CD300LG: variants seen among roughly 807,000 people sequenced by gnomAD.
The protein encoded by CD300LG is CMRF35-like molecule 9.
Under a neutral mutation model 31.5 loss-of-function variants are expected in CD300LG, and 29 were observed. The ratio of observed to expected loss-of-function variants is 0.92; its 90% CI spans 0.68 to 1.25. CD300LG has a LOEUF of 1.25. Among genes scored for constraint, CD300LG ranks in the 50% most tolerant of loss-of-function variants. The pLI, the probability that CD300LG is intolerant of heterozygous loss-of-function variation, is 0.00. For synonymous variants in CD300LG, 175 were observed against 177.2 expected (o/e 0.99, Z 0.10); for missense variants, 396 against 417.6 (o/e 0.95, Z 0.45).
At chr17:43,852,228 G>A (rs1333660737) in intron 2 of CD300LG, among the ~76,000 whole-genome samples, 2 of 149,542 alleles carry the variant, frequency 1.3e-5, no homozygotes, top group Admixed American at 1.3e-4. Context: ...TTTTAGAGAC[G>A]AAGTTTTGCT....
At chr17:43,849,046 A>C (rs1354615837) in intron 2 of CD300LG, 153 bp downstream of exon 2, 2 of 683,854 alleles carry the variant, frequency 2.9e-6, no homozygotes, top group African/African-American at 3.6e-5. Flanking sequence ...TGGGGCACAG[A>C]AGGAGCCGCC....
rs1428946939 is a variant in CD300LG, at chr17:43,847,205, C to T, written c.-12C>T. On this transcript the variant is annotated 5_prime_UTR_variant, in exon 1 of 7. Coordinates refer to ENST00000317310, the MANE Select transcript of CD300LG (RefSeq NM_145273.4). Reference sequence around the variant, plus strand: ...TTCCCAGCGTCTGCTCCCACGGTGTCCAGCGCCCAGAATGCGGCTTCTGGT... The same window carrying T: ...TTCCCAGCGTCTGCTCCCACGGTGTTCAGCGCCCAGAATGCGGCTTCTGGT... 6.2e-7 allele frequency: 1 copy of T among 1,613,794 alleles called. No individual in the cohort carries two copies. Among genetic ancestry groups the T allele is most frequent in the East Asian group, 2.2e-5 (1 of 44,870 alleles).
intron 6 of CD300LG, chr17:43,857,827 G>A (rs964152727): frequency 6.5e-7 from 1 of 1,537,278 alleles, no homozygotes; most frequent in Non-Finnish European, 8.7e-7. Flanking sequence ...CCTTGGCTCT[G>A]AGACCAAGGT....
intron 1 of CD300LG, among the ~76,000 whole-genome samples, chr17:43,847,772 T>TACAAACAA (rs145457270): frequency 1.3e-4 from 20 of 151,994 alleles, no homozygotes; most frequent in African/African-American, 1.9e-4. Context: ...ACCCCATCTC[T>TACAAACAA]ACAAACAAAC....
chr17:43,861,094 C>T (rs2046644167), intron 6 of CD300LG: 1 of 985,240 alleles, frequency 1.0e-6, no homozygotes, highest in Admixed American at 6.2e-5. Flanking sequence ...ACCATCCCTG[C>T]TGCCAAGAAC....
intron 1 of CD300LG, among the ~76,000 whole-genome samples, chr17:43,848,221 G>A (rs904113505): frequency 6.6e-6 from 1 of 152,028 alleles, no homozygotes; most frequent in East Asian, 1.9e-4. Context: ...CAGCCTGGGC[G>A]GCAAAGTGAG....
chr17:43,855,943 T>C (rs2046507394), intron 5 of CD300LG: 1 of 152,294 alleles, frequency 6.6e-6, no homozygotes, highest in Non-Finnish European at 1.5e-5. Flanking sequence ...TATTTTATTT[T>C]AATTACTTAT....
rs1199033978 is a variant in CD300LG, at chr17:43,848,813, A to C, written c.299A>C (p.Gln100Pro). ...GTGACCCTGTGGAACCTCACCCTGCAAGACGCTGGGGAGTACTGGTGTGGG... is the reference window on the plus strand; with the variant it reads ...GTGACCCTGTGGAACCTCACCCTGCCAGACGCTGGGGAGTACTGGTGTGGG... Reference protein sequence around the residue: ...LIVTLWNLTLQDAGEYWCGVE... With the variant: ...LIVTLWNLTLPDAGEYWCGVE... The change falls in exon 2 of 7, where the codon CAA becomes CCA. Residue 100 changes from glutamine (Q) to proline (P), a missense_variant. Transcript: ENST00000317310. The C allele has an allele frequency of 6.2e-7, 1 of 1,614,162 alleles. No individual in the cohort carries two copies. The highest frequency in any genetic ancestry group is 1.7e-5 in the Admixed American group (1 of 60,020).
chr17:43,856,304 C>G lies in CD300LG; in HGVS notation c.833-800C>G, dbSNP rs1010026230. 5.3e-5 allele frequency among the ~76,000 whole-genome samples: 8 copies of G among 152,252 alleles called. No homozygotes were observed. In the East Asian group the frequency reaches 1.5e-3, roughly 29 times the overall value. The stretch of plus-strand genomic sequence containing the variant: ...ATGGCCATGTGCAGCTCCCGGCTCC[C>G]GTGCTGGATGGCAAAGACTAAAAGG... On this transcript the variant is annotated intron_variant, in intron 5 of 6. Transcript: ENST00000317310.
At chr17:43,852,434 G>A (rs1598393673) in intron 2 of CD300LG, among the ~76,000 whole-genome samples, 2 of 152,222 alleles carry the variant, frequency 1.3e-5, no homozygotes, top group East Asian at 3.9e-4. Context: ...GGCTGGTCTC[G>A]AACTCCTGAC....
At position 43,852,907 on chromosome 17, in the gene CD300LG, T is replaced by TCGAGGACCC; in HGVS notation, c.380-4_380-3insGAGGACCCC. ...CCCTGAGAGCAGCCTTTCCCTTTCC[T>TCGAGGACCC]CTAGGACCCTGCTGTCCTCCCTCCC... On this transcript the variant is annotated splice_region_variant and splice_polypyrimidine_tract_variant and intron_variant, in intron 2 of 6. Coordinates refer to ENST00000317310, the MANE Select transcript of CD300LG (RefSeq NM_145273.4). 1 of 1,608,896 alleles carries TCGAGGACCC rather than the reference T, an allele frequency of 6.2e-7. No homozygotes were observed. The highest frequency in any genetic ancestry group is 1.1e-5 in the South Asian group (1 of 90,252).
At chr17:43,858,307 G>A (rs1416754794) in intron 6 of CD300LG, 44 of 1,004,078 alleles carry the variant, frequency 4.4e-5, no homozygotes, top group Non-Finnish European at 4.9e-5. Context: ...ATGGATGGAC[G>A]GTGGGTGCCA....
Position 43,854,061 on chromosome 17 carries a change from C to A in CD300LG, c.719+17C>A. The A allele has an allele frequency of 6.3e-7, 1 of 1,575,726 alleles. No individual in the cohort carries two copies. The highest frequency in any genetic ancestry group is 8.7e-7 in the Non-Finnish European group (1 of 1,146,822). On this transcript the variant is annotated intron_variant, in intron 4 of 6. Coordinates refer to ENST00000317310, the MANE Select transcript of CD300LG (RefSeq NM_145273.4). Reference sequence around the variant, plus strand: ...TAAGCCCAGGTGAGCCCCAGGTGACCAACATCCCCTTTCAAGCCATCACTA... The same window carrying A: ...TAAGCCCAGGTGAGCCCCAGGTGACAAACATCCCCTTTCAAGCCATCACTA...
chr17:43,857,418 A>G (rs573009363), intron 6 of CD300LG: 1 of 1,537,072 alleles, frequency 6.5e-7, no homozygotes, highest in South Asian at 1.2e-5. Context: ...TCCAGGAGCC[A>G]TGTGAGCATC....
intron 4 of CD300LG, among the ~76,000 whole-genome samples, chr17:43,854,604 GGAGA>G (rs1177178153): frequency 5.3e-5 from 8 of 152,082 alleles, no homozygotes; most frequent in Non-Finnish European, 7.4e-5. Context: ...GATCTCCTTG[GGAGA>G]GAGAAAGGAC....
intron 5 of CD300LG, 70 bp downstream of exon 5, chr17:43,855,389 C>A (rs748870707): frequency 7.2e-5 from 62 of 856,044 alleles, no homozygotes; most frequent in Non-Finnish European, 9.9e-5. Context: ...ACCTGCAGCT[C>A]CCCATCCAGC....
At chr17:43,858,187 G>C in intron 6 of CD300LG, 1 of 1,166,612 alleles carries the variant, frequency 8.6e-7, no homozygotes, top group African/African-American at 1.6e-5. Flanking sequence ...GTCTGGGGTG[G>C]AAATGGGACT....
chr17:43,858,636 C>G, intron 6 of CD300LG: 2 of 985,422 alleles, frequency 2.0e-6, no homozygotes, highest in Non-Finnish European at 2.4e-6. Context: ...GAGGCAAGAA[C>G]CCTGTAAACA....
rs1382887791 is a variant in CD300LG, at chr17:43,852,928, C to T, written c.396C>T (p.Pro132=). The T allele has an allele frequency of 1.2e-6, 2 of 1,612,416 alleles. No homozygotes were observed. The highest frequency in any genetic ancestry group is 1.7e-6 in the Non-Finnish European group (2 of 1,179,250). Residue 132 remains proline, a synonymous_variant, in exon 3 of 7, where the codon CCC becomes CCT. Coordinates refer to ENST00000317310, the MANE Select transcript of CD300LG (RefSeq NM_145273.4). The part of the protein sequence containing the change: ...LFVFPGPCCP[P]SPSPTFQPLA... The stretch of plus-strand genomic sequence containing the variant: ...TTCCTCTAGGACCCTGCTGTCCTCC[C>T]TCCCCTTCTCCCACCTTCCAGCCTC...
Sources: allele counts gnomAD v4.1 joint callset (sites outside exome capture counted in the v4.1 genomes callset), GRCh38; gene constraint gnomAD v4.1.1; transcripts MANE v1.5; gene names NCBI Gene and HGNC (gene_info 2026-07-23, HGNC 2026-07-21).